DCAF6: variants seen among roughly 807,000 people sequenced by gnomAD.
The protein encoded by DCAF6 is DDB1 and CUL4 associated factor 6, also known as DDB1- and CUL4-associated factor 6.
DCAF6 carries 54 observed loss-of-function variants against 125.1 expected under a neutral mutation model. That is an observed-to-expected ratio of 0.43 (90% CI 0.35 to 0.54). DCAF6 has a LOEUF of 0.54. Ranked by LOEUF, DCAF6 falls within the 20% of genes least tolerant of loss-of-function variation. DCAF6 has a pLI of 0.01. For missense variants in DCAF6, 934 were observed against 1,161.7 expected, an observed-to-expected ratio of 0.80 and a Z score of 2.85; for synonymous variants, 371 against 390.4, an observed-to-expected ratio of 0.95 and a Z score of 0.58.
the DCAF6 span, among the ~76,000 whole-genome samples, chr1:167,904,384 T>C: frequency 0.68 from 103,096 of 151,978 alleles, 36,044 homozygotes; most frequent in African/African-American, 0.86. Flanking sequence ...CCGAACCCGG[T>C]GGCCTCAGCT....
Position 168,024,252 on chromosome 1 carries a change from G to A in DCAF6, c.1609+1205G>A, listed in dbSNP as rs1354176605. The stretch of plus-strand genomic sequence containing the variant: ...AAAAAAAAAAAAGAACAGAAAAAAG[G>A]CAGGTGATTGCCTTTATATATTTTA... On this transcript the variant is annotated intron_variant, in intron 12 of 21. Transcript: ENST00000367840. 2.7e-5 allele frequency among the ~76,000 whole-genome samples: 4 copies of A among 150,066 alleles called. No individual in the cohort carries two copies. The East Asian group carries it at 5.8e-4, about 22-fold the overall frequency.
intron 21 of DCAF6, among the ~76,000 whole-genome samples, chr1:168,071,432 C>T (rs563326778): frequency 2.0e-5 from 3 of 152,004 alleles, no homozygotes; most frequent in East Asian, 1.9e-4. Context: ...GGCAAAACCC[C>T]GTCTCTATAA....
At chr1:168,065,544 T>G (rs1182183932) in intron 18 of DCAF6, 46 bp from the exon 19 acceptor site, 1 of 1,358,032 alleles carries the variant, frequency 7.4e-7, no homozygotes, top group East Asian at 2.5e-5. Context: ...ATCTTTGTTT[T>G]AATAACTTTG....
chr1:168,022,821 AT>A (rs1685834444), intron 11 of DCAF6, among the ~76,000 whole-genome samples, 166 bp from the exon 12 acceptor site: 1 of 152,182 alleles, frequency 6.6e-6, no homozygotes, highest in African/African-American at 2.4e-5. Context: ...GGAATAACAT[AT>A]CTTAAGCACA....
At chr1:167,878,949 G>A in the DCAF6 span, among the ~76,000 whole-genome samples, 18 of 152,236 alleles carry the variant, frequency 1.2e-4, no homozygotes, top group African/African-American at 4.1e-4. Flanking sequence ...GGCTCTCAGA[G>A]AAGGTGTCAG....
At chr1:167,996,237 T>C (rs1681674957) in intron 7 of DCAF6, among the ~76,000 whole-genome samples, 1 of 152,156 alleles carries the variant, frequency 6.6e-6, no homozygotes, top group Non-Finnish European at 1.5e-5. Context: ...TTTTTTGTAC[T>C]TTCTGTTTTC....
chr1:167,981,289 T>C (rs968735887), intron 4 of DCAF6, among the ~76,000 whole-genome samples: 4 of 152,200 alleles, frequency 2.6e-5, no homozygotes, highest in Non-Finnish European at 4.4e-5. Context: ...TTTTTGCATA[T>C]GTAGGGTAAG....
upstream of DCAF6, among the ~76,000 whole-genome samples, chr1:167,933,685 A>G (rs1296645758): frequency 2.0e-5 from 3 of 152,190 alleles, no homozygotes; most frequent in Non-Finnish European, 4.4e-5. Flanking sequence ...TTGAATATTC[A>G]CTCTGGATAA....
chr1:167,887,935 G>T, the DCAF6 span, among the ~76,000 whole-genome samples: 1 of 151,986 alleles, frequency 6.6e-6, no homozygotes, highest in African/African-American at 2.4e-5. Context: ...ATGTCTCAAA[G>T]TCCATTTTGA....
At chr1:168,045,904 A>G (rs528570962) in intron 16 of DCAF6, among the ~76,000 whole-genome samples, 22 of 152,118 alleles carry the variant, frequency 1.4e-4, no homozygotes, top group South Asian at 4.1e-4. Flanking sequence ...TATTAGTGCT[A>G]TCATATCTTA....
rs1671426132 is a variant in DCAF6 at position 167,937,280 on chromosome 1, G to A, written c.97+272G>A. On this transcript the variant is annotated intron_variant, in intron 1 of 21. Transcript: ENST00000367840. ...ACTGGCTTGTAAAGGTGTTGGGGTC[G>A]CTGATGGGTTGGGACTCGGGAGACT... 12 of 496,756 alleles carry A rather than the reference G, an allele frequency of 2.4e-5. No individual in the cohort carries two copies. The South Asian group carries it at 2.9e-4, about 12-fold the overall frequency. The allele number at this position is 496,756 out of a possible 1,614,324, so 30.8% of individuals were successfully genotyped here.
intron 10 of DCAF6, among the ~76,000 whole-genome samples, chr1:168,012,847 C>G (rs528798558): frequency 6.6e-6 from 1 of 152,190 alleles, no homozygotes; most frequent in South Asian, 2.1e-4. Context: ...ACAACTAAAT[C>G]TTGATTTTTT....
At chr1:167,945,346 TC>T (rs1477989573) in intron 1 of DCAF6, among the ~76,000 whole-genome samples, 1 of 152,198 alleles carries the variant, frequency 6.6e-6, no homozygotes, top group Non-Finnish European at 1.5e-5. Context: ...CTTCTGAATA[TC>T]CAGTGATCAT....
At chr1:167,930,181 C>A in the DCAF6 span, among the ~76,000 whole-genome samples, 2 of 152,112 alleles carry the variant, frequency 1.3e-5, no homozygotes, top group Non-Finnish European at 2.9e-5. Context: ...TAAAATAGTA[C>A]CCAAAACATC....
intron 11 of DCAF6, among the ~76,000 whole-genome samples, chr1:168,017,702 A>G (rs1489538309): frequency 2.6e-5 from 4 of 152,134 alleles, no homozygotes; most frequent in Non-Finnish European, 5.9e-5. Flanking sequence ...TAATAATTAA[A>G]TGCAGTTTTG....
At chr1:168,029,979 C>CAA (rs34555735) in intron 12 of DCAF6, among the ~76,000 whole-genome samples, 77 of 121,764 alleles carry the variant, frequency 6.3e-4, no homozygotes, top group Middle Eastern at 4.3e-3. Context: ...GACTCCGTCT[C>CAA]AAAAAAAAAA....
chr1:167,911,643 T>G, the DCAF6 span, among the ~76,000 whole-genome samples: 3 of 152,224 alleles, frequency 2.0e-5, no homozygotes, highest in Admixed American at 1.3e-4. Context: ...TGACCCCGTC[T>G]CCTTTGTTCA....
At chr1:167,934,200 G>T (rs1017414606), upstream of DCAF6, among the ~76,000 whole-genome samples, 5 of 152,138 alleles carry the variant, frequency 3.3e-5, no homozygotes, top group Non-Finnish European at 7.4e-5. Context: ...ATTACAGGTG[G>T]CTAAAAACTA....
At chr1:168,032,674 A>G (rs1382547045) in intron 12 of DCAF6, among the ~76,000 whole-genome samples, 4 of 152,222 alleles carry the variant, frequency 2.6e-5, no homozygotes, top group Non-Finnish European at 4.4e-5. Context: ...AATCATACAC[A>G]CATCGTTATA....
Sources: gnomAD v4.1 joint callset for allele counts (sites outside exome capture counted in the v4.1 genomes callset) on GRCh38, gnomAD v4.1.1 for gene constraint, MANE v1.5 for transcripts, NCBI Gene and HGNC (gene_info 2026-07-23, HGNC 2026-07-21) for gene names.